Variants in PPP2R2B observed in about 807,000 individuals in gnomAD.
PPP2R2B encodes the protein protein phosphatase 2 regulatory subunit Bbeta.
A neutral mutation model predicts 46.0 loss-of-function variants in PPP2R2B; 5 were observed. That is an observed-to-expected ratio of 0.11 (90% confidence interval 0.06 to 0.23). The LOEUF is 0.23. Ranked by LOEUF, PPP2R2B falls within the 10% of genes least tolerant of loss-of-function variation. The pLI, the probability that PPP2R2B is intolerant of heterozygous loss-of-function variation, is 1.00. For synonymous variants in PPP2R2B, 215 were observed against 206.7 expected (o/e 1.04, Z -0.34); for missense variants, 367 against 575.0 (o/e 0.64, Z 3.70).
intron 2 of PPP2R2B, among the ~76,000 whole-genome samples, chr5:146,771,793 A>C (rs953351735): frequency 6.6e-6 from 1 of 152,210 alleles, no homozygotes; most frequent in Non-Finnish European, 1.5e-5. Flanking sequence ...AAAAGAGGGC[A>C]TGTGACTAAT....
intron 2 of PPP2R2B, among the ~76,000 whole-genome samples, chr5:146,832,431 G>A (rs1350088304): frequency 2.1e-5 from 2 of 93,810 alleles, no homozygotes; most frequent in Non-Finnish European, 3.9e-5. Flanking sequence ...CACTCTTATT[G>A]CCTGGGCTGG....
chr5:146,699,573 C>T (rs976725828), intron 3 of PPP2R2B, among the ~76,000 whole-genome samples: 1 of 150,868 alleles, frequency 6.6e-6, no homozygotes, highest in Non-Finnish European at 1.5e-5. Flanking sequence ...AAATGTAGAG[C>T]AGAATATTAC....
chr5:146,805,928 A>G (rs546667208), intron 2 of PPP2R2B, among the ~76,000 whole-genome samples: 9 of 152,324 alleles, frequency 5.9e-5, no homozygotes, highest in African/African-American at 2.2e-4. Context: ...TAGAATCCAA[A>G]TCACATGATG....
intron 1 of PPP2R2B, chr5:146,922,319 C>T (rs1235908492): frequency 1.3e-5 from 2 of 152,198 alleles, no homozygotes; most frequent in African/African-American, 4.8e-5. Flanking sequence ...TGAAAGCTCA[C>T]CTTACCTTTT....
intron 1 of PPP2R2B, among the ~76,000 whole-genome samples, chr5:146,925,271 TA>T (rs1763744833): frequency 6.6e-6 from 1 of 152,242 alleles, no homozygotes; most frequent in Admixed American, 6.5e-5. Flanking sequence ...TGTGCTATCA[TA>T]GAGTACCATT....
At chr5:146,607,961 A>T (rs1480421587) in intron 7 of PPP2R2B, 1 of 152,228 alleles carries the variant, frequency 6.6e-6, no homozygotes, top group African/African-American at 2.4e-5. Context: ...TGGACATTGA[A>T]ATTTCAATTT....
intron 4 of PPP2R2B, among the ~76,000 whole-genome samples, chr5:146,692,558 G>A (rs1342843620): frequency 1.6e-5 from 2 of 128,130 alleles, no homozygotes; most frequent in African/African-American, 6.1e-5. Context: ...TTTTGAGACA[G>A]AGTCTCGCAT....
At chr5:146,652,418 G>T (rs931565779) in intron 5 of PPP2R2B, among the ~76,000 whole-genome samples, 6 of 152,330 alleles carry the variant, frequency 3.9e-5, no homozygotes, top group African/African-American at 1.2e-4. Flanking sequence ...ACCAGACACA[G>T]GTCCTGGCAT....
At chr5:146,725,056 A>G (rs1751774328) in intron 2 of PPP2R2B, among the ~76,000 whole-genome samples, 1 of 152,142 alleles carries the variant, frequency 6.6e-6, no homozygotes, top group Admixed American at 6.6e-5. Flanking sequence ...GCGATCAATA[A>G]TTCATAGAAA....
intron 1 of PPP2R2B, among the ~76,000 whole-genome samples, chr5:147,018,037 GCGCGCGCACACA>G (rs59047673): frequency 0.56 from 66,161 of 118,978 alleles, 15,611 homozygotes; most frequent in Middle Eastern, 0.64. Context: ...ACACATGCAT[GCGCGCGCACACA>G]CACACACACA....
intron 2 of PPP2R2B, among the ~76,000 whole-genome samples, chr5:146,842,938 C>T (rs967201952): frequency 1.2e-4 from 19 of 152,212 alleles, no homozygotes; most frequent in African/African-American, 4.3e-4. Context: ...CCTGTAATCC[C>T]AGAACTTTGG....
intron 2 of PPP2R2B, among the ~76,000 whole-genome samples, chr5:146,804,024 G>A (rs367882183): frequency 1.3e-5 from 2 of 151,942 alleles, no homozygotes; most frequent in East Asian, 1.9e-4. Context: ...AAAATTAGAC[G>A]GGCGTGGTGG....
chr5:146,708,357 A>C (rs1271658252), intron 2 of PPP2R2B, among the ~76,000 whole-genome samples: 1 of 71,230 alleles, frequency 1.4e-5, no homozygotes, highest in Admixed American at 1.3e-4. Context: ...ACTTGGTCTC[A>C]AAAAAAAAAA....
At chr5:146,787,488 C>A (rs188396891) in intron 2 of PPP2R2B, among the ~76,000 whole-genome samples, 1 of 151,886 alleles carries the variant, frequency 6.6e-6, no homozygotes, top group Non-Finnish European at 1.5e-5. Flanking sequence ...CAGAGCTCTT[C>A]CTTCCTTTCC....
intron 7 of PPP2R2B, among the ~76,000 whole-genome samples, chr5:146,633,255 G>A (rs534212264): frequency 1.3e-5 from 2 of 152,174 alleles, no homozygotes; most frequent in South Asian, 4.1e-4. Context: ...GTTCTCCTCG[G>A]CATTTTGATT....
intron 2 of PPP2R2B, among the ~76,000 whole-genome samples, chr5:147,065,639 T>G (rs888112527): frequency 6.6e-6 from 1 of 151,328 alleles, no homozygotes; most frequent in Non-Finnish European, 1.5e-5. Context: ...GGCAATGGGG[T>G]TGGAGCGAGG....
At chr5:146,823,133 T>G (rs2151336001) in intron 2 of PPP2R2B, among the ~76,000 whole-genome samples, 1 of 152,286 alleles carries the variant, frequency 6.6e-6, no homozygotes, top group East Asian at 1.9e-4. Flanking sequence ...ATCTGGAGAT[T>G]TCATCTGACA....
At chr5:146,660,603 C>T (rs925562362) in intron 5 of PPP2R2B, among the ~76,000 whole-genome samples, 12 of 152,102 alleles carry the variant, frequency 7.9e-5, no homozygotes, top group Admixed American at 3.9e-4. Flanking sequence ...CAGCACCCCG[C>T]CAAAACCCCC....
intron 5 of PPP2R2B, among the ~76,000 whole-genome samples, chr5:146,655,358 C>T (rs542745108): frequency 9.8e-5 from 15 of 152,322 alleles, no homozygotes; most frequent in African/African-American, 3.1e-4. Context: ...GAGAGTGGCA[C>T]GGCTTCCCCG....
Sources: allele counts gnomAD v4.1 joint callset (sites outside exome capture counted in the v4.1 genomes callset), GRCh38; gene constraint gnomAD v4.1.1; transcripts MANE v1.5; gene names NCBI Gene and HGNC (gene_info 2026-07-23, HGNC 2026-07-21).